The following RXYLT1 variants were observed in gnomAD, a reference collection of about 807,000 sequenced individuals.
RXYLT1 encodes ribitol-5-phosphate xylosyltransferase 1.
A neutral mutation model predicts 43.5 loss-of-function variants in RXYLT1; 41 were observed. The ratio of observed to expected loss-of-function variants is 0.94; its 90% CI spans 0.73 to 1.22. The LOEUF (loss-of-function observed/expected upper bound fraction) is 1.22. Among genes scored for constraint, RXYLT1 ranks in the 50% most tolerant of loss-of-function variants. The probability of loss-of-function intolerance (pLI) is 0.00; values close to 1 mark genes in which losing one functional copy is unlikely to be tolerated. For synonymous variants in RXYLT1, 166 were observed against 194.4 expected (o/e 0.85, Z 1.21); for missense variants, 514 against 532.0 (o/e 0.97, Z 0.33).
chr12:63,803,876 C>G, intron 4 of RXYLT1: 1 of 130,968 alleles, frequency 7.6e-6, no homozygotes, highest in East Asian at 2.3e-4. Context: ...TTTTTTGAGA[C>G]GAAGTCTTGC....
intron 3 of RXYLT1, among the ~76,000 whole-genome samples, chr12:63,792,448 T>C (rs1278017025): frequency 6.6e-6 from 1 of 152,222 alleles, no homozygotes; most frequent in African/African-American, 2.4e-5. Flanking sequence ...TTGGCTCTTA[T>C]GCCTCTTCAA....
chr12:63,793,000 G>GGCCA (rs1897951859), intron 3 of RXYLT1, among the ~76,000 whole-genome samples: 1 of 152,102 alleles, frequency 6.6e-6, no homozygotes, highest in South Asian at 2.1e-4. Context: ...TCTAACTCCT[G>GGCCA]GGCTCAAGAG....
At chr12:63,787,226 C>T (rs1262124178) in intron 3 of RXYLT1, among the ~76,000 whole-genome samples, 1 of 152,220 alleles carries the variant, frequency 6.6e-6, no homozygotes, top group Non-Finnish European at 1.5e-5. Flanking sequence ...ATTGTATCTT[C>T]ACCAGAAGTA....
chr12:63,806,016 T>C (rs1898283956), intron 5 of RXYLT1: 1 of 152,224 alleles, frequency 6.6e-6, no homozygotes, highest in African/African-American at 2.4e-5. Flanking sequence ...ATTTTGTTTT[T>C]AAATAGACAA....
chr12:63,802,592 A>G (rs1397301903), intron 4 of RXYLT1, among the ~76,000 whole-genome samples, 187 bp downstream of exon 4: 3 of 152,110 alleles, frequency 2.0e-5, no homozygotes, highest in Non-Finnish European at 4.4e-5. Context: ...TTTTAAGAGT[A>G]TTTTATTCTT....
In RXYLT1 at chr12:63,800,328, A is replaced by G. The variant is rs527440242; in HGVS notation, c.429-1763A>G. 2.0e-5 allele frequency among the ~76,000 whole-genome samples: 3 copies of G among 152,346 alleles called. No homozygotes were observed. The South Asian group carries it at 6.2e-4, about 32-fold the overall frequency. ...AAGTGCTTATGTATCATGTATATAA[A>G]AGGCGTTGAACAAATGTTTTTATCC... On this transcript the variant is annotated intron_variant, in intron 3 of 5. Coordinates refer to ENST00000261234, the MANE Select transcript of RXYLT1 (RefSeq NM_014254.3).
chr12:63,805,562 T>C, intron 5 of RXYLT1, 158 bp downstream of exon 5: 1 of 666,504 alleles, frequency 1.5e-6, no homozygotes. Context: ...AAGACTGGGT[T>C]GTACACATTT....
At position 63,780,105 on chromosome 12, in the gene RXYLT1, C is replaced by G. The variant is rs1162070285; in HGVS notation, c.145C>G (p.Pro49Ala). The G allele has an allele frequency of 7.1e-6, 11 of 1,544,848 alleles. No individual in the cohort carries two copies. The highest frequency in any genetic ancestry group is 8.7e-6 in the Non-Finnish European group (10 of 1,151,010). Residue 49 changes from proline (P) to alanine (A), a missense_variant, in exon 1 of 6, where the codon CCC (proline) becomes GCC (alanine). Coordinates refer to ENST00000261234, the MANE Select transcript of RXYLT1 (RefSeq NM_014254.3). ...SPRGLRKGAA[P>A]ARERRGREQS... Reference sequence around the variant, plus strand: ...GCGGGGCCTCAGGAAGGGGGCGGCCCCCGCGCGGGAGAGACGCGGCCGAGG... The same window carrying G: ...GCGGGGCCTCAGGAAGGGGGCGGCCGCCGCGCGGGAGAGACGCGGCCGAGG...
intron 1 of RXYLT1, 148 bp downstream of exon 1, chr12:63,780,277 C>T: frequency 7.3e-7 from 1 of 1,360,662 alleles, no homozygotes; most frequent in Non-Finnish European, 9.4e-7. Flanking sequence ...CCTCTCGAGC[C>T]AGCCCTTGGC....
chr12:63,805,847 C>G (rs1898279480), intron 5 of RXYLT1: 1 of 153,178 alleles, frequency 6.5e-6, no homozygotes, highest in Non-Finnish European at 1.5e-5. Context: ...CTGTGAATCC[C>G]CAGATCTAAC....
At chr12:63,794,170 C>T (rs1897978458) in intron 3 of RXYLT1, among the ~76,000 whole-genome samples, 1 of 152,126 alleles carries the variant, frequency 6.6e-6, no homozygotes, top group South Asian at 2.1e-4. Flanking sequence ...TTTCAAAATG[C>T]CCCATCATAA....
At chr12:63,797,574 G>A (rs1285458141) in intron 3 of RXYLT1, among the ~76,000 whole-genome samples, 1 of 152,208 alleles carries the variant, frequency 6.6e-6, no homozygotes, top group Non-Finnish European at 1.5e-5. Context: ...ATGAAGAAAA[G>A]GTAAGGTAGC....
At chr12:63,780,743 T>C (rs995543653) in intron 1 of RXYLT1, among the ~76,000 whole-genome samples, 1 of 152,236 alleles carries the variant, frequency 6.6e-6, no homozygotes, top group East Asian at 1.9e-4. Flanking sequence ...CATATTATCC[T>C]GTTATTTTTA....
Position 63,785,874 on chromosome 12 carries a change from C to T in RXYLT1, c.428+802C>T, listed in dbSNP as rs550144596. Among the ~76,000 whole-genome samples, 17 of 152,146 alleles carry T rather than the reference C, an allele frequency of 1.1e-4. No homozygotes were observed. In the South Asian group the frequency reaches 3.5e-3, roughly 32 times the overall value. On this transcript the variant is annotated intron_variant, in intron 3 of 5. Transcript: ENST00000261234. ...CAGGAAAGGAAAAGCTATAGTTAAC[C>T]TCAATTTTGTTCTAATTTTTACTAC...
intron 3 of RXYLT1, among the ~76,000 whole-genome samples, chr12:63,787,357 A>ACTTTT (rs1163879781): frequency 3.3e-5 from 5 of 152,182 alleles, no homozygotes; most frequent in Non-Finnish European, 1.5e-5. Context: ...TTCTAATTCT[A>ACTTTT]CTTTTCTTTC....
At chr12:63,780,429 G>A (rs1897653140) in intron 1 of RXYLT1, 1 of 1,220,564 alleles carries the variant, frequency 8.2e-7, no homozygotes, top group African/African-American at 1.6e-5. Flanking sequence ...AGATTTGCGG[G>A]AATGCTCCTG....
intron 3 of RXYLT1, among the ~76,000 whole-genome samples, chr12:63,792,730 G>C (rs547677554): frequency 1.3e-5 from 2 of 152,284 alleles, no homozygotes; most frequent in East Asian, 3.9e-4. Context: ...ACCCTGTGCA[G>C]CTGGTGGTAT....
chr12:63,781,073 A>T lies in RXYLT1; in HGVS notation c.224A>T (p.Asn75Ile). Residue 75 changes from asparagine (N) to isoleucine (I), a missense_variant, in exon 2 of 6, where the codon AAT (asparagine) becomes ATT (isoleucine). Coordinates refer to ENST00000261234, the MANE Select transcript of RXYLT1 (RefSeq NM_014254.3). ...EWNPWEGDEK[N>I]EQQHRFKTSL... ...AATCCTTGGGAAGGAGATGAAAAAA[A>T]TGAGCAACAACACAGATTTAAAACT... 1.2e-6 allele frequency: 2 copies of T among 1,609,602 alleles called. No homozygotes were observed. Among genetic ancestry groups the T allele is most frequent in the Non-Finnish European group, 8.5e-7 (1 of 1,178,422 alleles).
chr12:63,808,338 C>G (rs1358514749), intron 5 of RXYLT1: 1 of 289,454 alleles, frequency 3.5e-6, no homozygotes, highest in Non-Finnish European at 6.3e-6. Flanking sequence ...TGGTCACTAT[C>G]CATCTCCACC....
Sources: gnomAD v4.1 joint callset for allele counts (sites outside exome capture counted in the v4.1 genomes callset) on GRCh38, gnomAD v4.1.1 for gene constraint, MANE v1.5 for transcripts, NCBI Gene and HGNC (gene_info 2026-07-23, HGNC 2026-07-21) for gene names.